The following PGGT1B variants were observed in gnomAD, a reference collection of about 807,000 sequenced individuals.
The protein encoded by PGGT1B is protein geranylgeranyltransferase type I subunit beta.
A neutral mutation model predicts 46.1 loss-of-function variants in PGGT1B; 30 were observed. The observed-to-expected ratio is 0.65, with a 90% confidence interval of 0.49 to 0.88. The LOEUF is 0.88. Ranked by LOEUF, PGGT1B falls within the 40% of genes least tolerant of loss-of-function variation. The pLI is 0.00. For missense variants in PGGT1B, 376 were observed against 455.9 expected (o/e 0.82, Z 1.60); for synonymous variants, 170 against 160.0 (o/e 1.06, Z -0.47).
chr5:115,242,988 G>C (rs933144923), intron 2 of PGGT1B, among the ~76,000 whole-genome samples: 1 of 151,972 alleles, frequency 6.6e-6, no homozygotes, highest in African/African-American at 2.4e-5. Flanking sequence ...GATACTAATG[G>C]TGATTATGAT....
In PGGT1B at chr5:115,255,621, G is replaced by A. The variant is rs1302352374; in HGVS notation, c.141-2366C>T. 2.6e-5 allele frequency among the ~76,000 whole-genome samples: 4 copies of A among 152,164 alleles called. No individual in the cohort carries two copies. The East Asian group carries it at 5.8e-4, about 22-fold the overall frequency. On this transcript the variant is annotated intron_variant, in intron 1 of 8. Transcript: ENST00000419445. ...GACAAAAGTGGAGGAAAACATGAAG[G>A]ACTTGAGGTCAGACAATGGATAAAA...
rs1008339651 is a variant in PGGT1B at position 115,210,351 on chromosome 5, G to A, written c.*2051C>T. 11 of 152,072 alleles carry A rather than the reference G, an allele frequency of 7.2e-5. 1 individual carries two copies. The highest frequency in any genetic ancestry group is 2.0e-4 in the Admixed American group (3 of 15,264). 9.4% of individuals were successfully genotyped at this position (152,072 alleles called of 1,614,324 possible). The stretch of plus-strand genomic sequence containing the variant: ...AATATTGCTTATAATTTATTTAATC[G>A]ATAAATGCTTTTCTTGTAAATAACT... On this transcript the variant is annotated 3_prime_UTR_variant, in exon 9 of 9. Transcript: ENST00000419445.
intron 1 of PGGT1B, among the ~76,000 whole-genome samples, chr5:115,256,785 G>A (rs1316773724): frequency 6.6e-6 from 1 of 152,114 alleles, no homozygotes; most frequent in African/African-American, 2.4e-5. Context: ...TATAATGTAG[G>A]GTTTTATGGT....
chr5:115,233,790 G>A (rs752253890), intron 5 of PGGT1B, among the ~76,000 whole-genome samples: 11 of 151,994 alleles, frequency 7.2e-5, no homozygotes, highest in South Asian at 2.1e-4. Flanking sequence ...AAAGTATAAC[G>A]CTTTTTATTG....
chr5:115,206,675 C>T lies in PGGT1B; in HGVS notation c.*5727G>A, dbSNP rs1170826015. On this transcript the variant is annotated 3_prime_UTR_variant, in exon 9 of 9. Transcript: ENST00000419445. ...ATGTATCATAATGTGTCTTATTTTT[C>T]ACAATTACAAAAATGTGGCTGTGAG... 1 of 151,932 alleles carries T rather than the reference C, an allele frequency of 6.6e-6. No individual in the cohort carries two copies. Among genetic ancestry groups the T allele is most frequent in the East Asian group, 1.9e-4 (1 of 5,196 alleles). The allele number at this position is 151,932 out of a possible 1,614,324, so 9.4% of individuals were successfully genotyped here. A position where few individuals can be genotyped will look rare whatever the true frequency, so the allele number is the denominator to read the frequency against.
chr5:115,242,464 G>C (rs1561481291), intron 2 of PGGT1B, among the ~76,000 whole-genome samples: 1 of 152,150 alleles, frequency 6.6e-6, no homozygotes, highest in Non-Finnish European at 1.5e-5. Flanking sequence ...CTTCATAAGA[G>C]ATTATGACTA....
chr5:115,234,243 C>A (rs1757101487), intron 5 of PGGT1B, among the ~76,000 whole-genome samples: 1 of 149,570 alleles, frequency 6.7e-6, no homozygotes, highest in Non-Finnish European at 1.5e-5. Flanking sequence ...GGTATGCTAC[C>A]TTATGAAGAA....
chr5:115,249,133 C>G (rs1747979405), intron 2 of PGGT1B, among the ~76,000 whole-genome samples: 1 of 151,890 alleles, frequency 6.6e-6, no homozygotes, highest in Non-Finnish European at 1.5e-5. Flanking sequence ...CCCCCCACCT[C>G]TGTTCCCATC....
At chr5:115,234,362 T>TTA (rs1203644068) in intron 5 of PGGT1B, among the ~76,000 whole-genome samples, 4 of 152,020 alleles carry the variant, frequency 2.6e-5, no homozygotes, top group African/African-American at 9.6e-5. Flanking sequence ...GAACAAGATG[T>TTA]TAAGTATGGG....
chr5:115,221,424 T>C (rs1318005796), intron 7 of PGGT1B, among the ~76,000 whole-genome samples: 1 of 152,032 alleles, frequency 6.6e-6, no homozygotes, highest in Non-Finnish European at 1.5e-5. Context: ...AAATGACCCA[T>C]GGTTTGTCTT....
rs747713793 is a variant in PGGT1B, at chr5:115,241,584, A to T, written c.282T>A (p.Gly94=). 1.9e-6 allele frequency: 3 copies of T among 1,608,884 alleles called. No individual in the cohort carries two copies. The highest frequency in any genetic ancestry group is 2.2e-5 in the East Asian group (1 of 44,536). ...TEDRSNLNRC[G]FRGSSYLGIP... ...TACCCAGGTATGAAGAGCCTCGGAA[A>T]CCACAGCGATTTAGATTTGATCCTA... The change falls in exon 3 of 9, where the codon GGT becomes GGA. Residue 94 remains glycine, a synonymous_variant. Transcript: ENST00000419445.
intron 2 of PGGT1B, among the ~76,000 whole-genome samples, chr5:115,246,152 G>C (rs1412589805): frequency 3.3e-5 from 5 of 152,050 alleles, no homozygotes; most frequent in Admixed American, 2.0e-4. Flanking sequence ...AGGAGTTCGA[G>C]ACCAGCCTGA....
intron 5 of PGGT1B, 133 bp downstream of exon 5, chr5:115,236,257 C>G: frequency 1.5e-6 from 1 of 649,536 alleles, no homozygotes; most frequent in South Asian, 2.3e-5. Flanking sequence ...TTCTGATACA[C>G]AATTTACCAA....
At chr5:115,247,633 T>C (rs1747909985) in intron 2 of PGGT1B, among the ~76,000 whole-genome samples, 2 of 152,194 alleles carry the variant, frequency 1.3e-5, no homozygotes, top group Middle Eastern at 3.4e-3. Flanking sequence ...CTTAAGGATG[T>C]CAAGAAAGTA....
rs2127041497 is a variant in PGGT1B, at chr5:115,262,776, C to T, written c.76G>A (p.Val26Met). The change falls in exon 1 of 9, where the codon GTG becomes ATG. Residue 26 changes from valine to methionine, a missense_variant. Transcript: ENST00000419445. ...TGGAGGCAGCGCTGGAAAAATCGCACGTGCCGATCCCGTAAGAAATCCAGC... is the reference window on the plus strand; with the variant it reads ...TGGAGGCAGCGCTGGAAAAATCGCATGTGCCGATCCCGTAAGAAATCCAGC... ...ERLDFLRDRHVRFFQRCLQVL... is the reference protein window; with the variant it reads ...ERLDFLRDRHMRFFQRCLQVL... 1.9e-6 allele frequency: 3 copies of T among 1,613,514 alleles called. No individual in the cohort carries two copies. In the South Asian group the frequency reaches 3.3e-5, roughly 18 times the overall value.
chr5:115,241,945 A>G (rs1757359686), intron 2 of PGGT1B, among the ~76,000 whole-genome samples: 1 of 152,212 alleles, frequency 6.6e-6, no homozygotes, highest in Non-Finnish European at 1.5e-5. Flanking sequence ...AACAGAAAAC[A>G]GAAGCCCAGA....
intron 2 of PGGT1B, 149 bp from the exon 3 acceptor site, chr5:115,241,755 C>T: frequency 1.9e-6 from 1 of 520,350 alleles, no homozygotes; most frequent in Non-Finnish European, 3.4e-6. Flanking sequence ...TGTGCCAGGT[C>T]CATTCTAGGT....
chr5:115,218,387 A>ATG (rs1312525942), intron 7 of PGGT1B, among the ~76,000 whole-genome samples: 260 of 121,322 alleles, frequency 2.1e-3, no homozygotes, highest in East Asian at 4.5e-3. Context: ...TAAGCATTAT[A>ATG]TGTGTGTGTG....
At chr5:115,216,760 C>T (rs1429272875) in intron 8 of PGGT1B, 105 bp downstream of exon 8, 1 of 689,712 alleles carries the variant, frequency 1.4e-6, no homozygotes, top group African/African-American at 1.8e-5. Context: ...TTTAATGTAA[C>T]TTTGCAACTG....
Sources: gnomAD v4.1 joint callset for allele counts (sites outside exome capture counted in the v4.1 genomes callset) on GRCh38, gnomAD v4.1.1 for gene constraint, MANE v1.5 for transcripts, NCBI Gene and HGNC (gene_info 2026-07-23, HGNC 2026-07-21) for gene names.